Variants in SERGEF observed in about 807,000 individuals in gnomAD.
SERGEF encodes the protein secretion regulating guanine nucleotide exchange factor.
A neutral mutation model predicts 50.0 loss-of-function variants in SERGEF; 51 were observed. The ratio of observed to expected loss-of-function variants is 1.02; its 90% CI spans 0.81 to 1.29. The LOEUF is 1.29. SERGEF is among the 50% of genes most tolerant of loss of function. The pLI is 0.00. For missense variants in SERGEF, 521 were observed against 557.0 expected (o/e 0.94, Z 0.65); for synonymous variants, 205 against 212.4 (o/e 0.97, Z 0.30).
chr11:17,832,464 TTAGC>T (rs1450281874), intron 10 of SERGEF, among the ~76,000 whole-genome samples: 1 of 152,242 alleles, frequency 6.6e-6, no homozygotes, highest in Non-Finnish European at 1.5e-5. Flanking sequence ...TATGTGTTTA[TTAGC>T]AGTGTGAAAA....
chr11:17,826,209 C>T (rs577557370), intron 10 of SERGEF, among the ~76,000 whole-genome samples: 21 of 152,170 alleles, frequency 1.4e-4, no homozygotes, highest in Non-Finnish European at 2.1e-4. Context: ...TTCAAGAATT[C>T]GAAAACTGTT....
intron 10 of SERGEF, among the ~76,000 whole-genome samples, chr11:17,789,041 T>C (rs1849436159): frequency 6.6e-6 from 1 of 152,236 alleles, no homozygotes. Context: ...TGCACAACTC[T>C]TGCCCTCCCT....
At chr11:17,815,074 C>A (rs1335820292) in intron 10 of SERGEF, among the ~76,000 whole-genome samples, 1 of 152,090 alleles carries the variant, frequency 6.6e-6, no homozygotes, top group Non-Finnish European at 1.5e-5. Context: ...GTAGTTCTAG[C>A]TACTTGGGAA....
At chr11:17,942,733 T>C (rs1348616621) in intron 9 of SERGEF, among the ~76,000 whole-genome samples, 1 of 152,186 alleles carries the variant, frequency 6.6e-6, no homozygotes, top group Non-Finnish European at 1.5e-5. Flanking sequence ...ATTATCATGT[T>C]AGTGCTTTAT....
intron 9 of SERGEF, among the ~76,000 whole-genome samples, chr11:17,938,113 C>T (rs968248468): frequency 2.0e-5 from 3 of 152,172 alleles, no homozygotes; most frequent in Non-Finnish European, 2.9e-5. Context: ...TTGCTAGGAC[C>T]TCTGCTACTG....
rs571195603 is a variant in SERGEF at position 17,890,338 on chromosome 11, GA to G, written c.1012-12095del. Among the ~76,000 whole-genome samples the G allele has an allele frequency of 1.2e-4, 18 of 152,336 alleles. No individual in the cohort carries two copies. In the South Asian group the frequency reaches 3.5e-3, roughly 30 times the overall value. On this transcript the variant is annotated intron_variant, in intron 9 of 10. Coordinates refer to ENST00000265965, the MANE Select transcript of SERGEF (RefSeq NM_012139.4). ...AAATGAATTACAACTGAAAGAGTGA[GA>G]TATAGAAGGAACTCTGTAGTGCTGC...
intron 9 of SERGEF, among the ~76,000 whole-genome samples, chr11:17,914,191 C>T (rs970831870): frequency 6.6e-6 from 1 of 152,218 alleles, no homozygotes; most frequent in Non-Finnish European, 1.5e-5. Context: ...ATCTGGAATG[C>T]TTCCTTCTTG....
At chr11:18,012,703 G>T in intron 1 of SERGEF, 2 of 1,148,298 alleles carry the variant, frequency 1.7e-6, no homozygotes, top group Non-Finnish European at 2.3e-6. Context: ...TTCTTCCCGC[G>T]GCGCCACAGC....
At chr11:17,819,728 C>G (rs1054008050) in intron 10 of SERGEF, among the ~76,000 whole-genome samples, 1 of 152,244 alleles carries the variant, frequency 6.6e-6, no homozygotes, top group Non-Finnish European at 1.5e-5. Context: ...ATATCCACCC[C>G]AGTCAGAGAC....
intron 10 of SERGEF, among the ~76,000 whole-genome samples, chr11:17,818,401 A>C (rs1850019102): frequency 6.6e-6 from 1 of 152,220 alleles, no homozygotes; most frequent in African/African-American, 2.4e-5. Context: ...ATATCTACTA[A>C]GTACCTACAG....
At chr11:18,011,349 A>C (rs943499696) in intron 1 of SERGEF, among the ~76,000 whole-genome samples, 3 of 152,210 alleles carry the variant, frequency 2.0e-5, no homozygotes, top group Non-Finnish European at 1.5e-5. Context: ...CCTTAAAAGA[A>C]GAGACACCAC....
At chr11:18,004,714 T>C (rs1854036807) in intron 3 of SERGEF, among the ~76,000 whole-genome samples, 179 bp from the exon 4 acceptor site, 1 of 152,242 alleles carries the variant, frequency 6.6e-6, no homozygotes, top group South Asian at 2.1e-4. Flanking sequence ...GGTTAAGCAC[T>C]CTACACAGAT....
At chr11:17,981,607 T>G (rs572550574) in intron 8 of SERGEF, among the ~76,000 whole-genome samples, 1 of 152,188 alleles carries the variant, frequency 6.6e-6, no homozygotes, top group Admixed American at 6.5e-5. Flanking sequence ...AAGTACTTTA[T>G]AGTAATAAAG....
At chr11:17,855,923 G>C (rs1850808817) in intron 10 of SERGEF, 1 of 152,174 alleles carries the variant, frequency 6.6e-6, no homozygotes, top group African/African-American at 2.4e-5. Context: ...TGGCTTCTGA[G>C]ATCCTTTCCA....
chr11:17,880,207 C>A (rs1851311522), intron 9 of SERGEF, among the ~76,000 whole-genome samples: 1 of 152,192 alleles, frequency 6.6e-6, no homozygotes, highest in Non-Finnish European at 1.5e-5. Flanking sequence ...GTTGTTTAGT[C>A]TCTGAGCTCC....
intron 9 of SERGEF, among the ~76,000 whole-genome samples, chr11:17,900,625 A>T (rs978844020): frequency 1.3e-5 from 2 of 152,236 alleles, no homozygotes; most frequent in African/African-American, 4.8e-5. Flanking sequence ...TTAGCGGAGA[A>T]GTACAACATA....
At chr11:17,867,032 T>C (rs1851040140) in intron 10 of SERGEF, among the ~76,000 whole-genome samples, 2 of 152,166 alleles carry the variant, frequency 1.3e-5, no homozygotes, top group Admixed American at 1.3e-4. Flanking sequence ...CAAGATGAGA[T>C]CTGGGACACA....
intron 8 of SERGEF, among the ~76,000 whole-genome samples, chr11:17,963,730 T>C (rs1470481965): frequency 2.0e-5 from 3 of 152,196 alleles, no homozygotes; most frequent in African/African-American, 7.2e-5. Context: ...TATATGTACA[T>C]TAATTTATTT....
rs1006878210 is a variant in SERGEF at position 17,961,850 on chromosome 11, G to T, written c.845-2214C>A. ...CTCAAAATAAACTCTGCATCAGAAG[G>T]CTCACCCAGGACAGAAGAGACCCTT... On this transcript the variant is annotated intron_variant, in intron 8 of 10. Coordinates refer to ENST00000265965, the MANE Select transcript of SERGEF (RefSeq NM_012139.4). Among the ~76,000 whole-genome samples the T allele has an allele frequency of 3.9e-5, 6 of 152,234 alleles. No individual in the cohort carries two copies. In the South Asian group the frequency reaches 1.2e-3, roughly 32 times the overall value.
Sources: gnomAD v4.1 joint callset for allele counts (sites outside exome capture counted in the v4.1 genomes callset) on GRCh38, gnomAD v4.1.1 for gene constraint, MANE v1.5 for transcripts, NCBI Gene and HGNC (gene_info 2026-07-23, HGNC 2026-07-21) for gene names.